The following FOXK2 variants were observed in gnomAD, a reference collection of about 807,000 sequenced individuals.
FOXK2 encodes forkhead box protein K2.
A neutral mutation model predicts 53.3 loss-of-function variants in FOXK2; 24 were observed. That is an observed-to-expected ratio of 0.45 (90% CI 0.33 to 0.63). FOXK2 has a LOEUF of 0.63. FOXK2 is among the 30% of genes least tolerant of loss of function. The pLI is 0.03. For missense variants in FOXK2, 952 were observed against 910.5 expected, an observed-to-expected ratio of 1.05 and a Z score of -0.59; for synonymous variants, 505 against 407.1, an observed-to-expected ratio of 1.24 and a Z score of -2.89.
chr17:82,587,391 C>T (rs748715062), intron 8 of FOXK2, 119 bp downstream of exon 8: 3 of 780,206 alleles, frequency 3.8e-6, no homozygotes, highest in Admixed American at 2.1e-5. Flanking sequence ...GCAATGTTTG[C>T]ATTTCGAAGC....
chr17:82,583,029 C>A, intron 5 of FOXK2, 95 bp downstream of exon 5: 1 of 865,328 alleles, frequency 1.2e-6, no homozygotes, highest in Non-Finnish European at 1.7e-6. Context: ...GAAGGAACTA[C>A]TAAATGCATT....
At chr17:82,530,969 A>C (rs756495018) in intron 1 of FOXK2, among the ~76,000 whole-genome samples, 14 of 152,196 alleles carry the variant, frequency 9.2e-5, no homozygotes, top group Non-Finnish European at 1.8e-4. Context: ...TTTGATAGCC[A>C]TTTGAGCTGG....
Position 82,582,879 on chromosome 17 carries a change from C to CG in FOXK2, c.1049dup (p.Arg351ThrfsTer3). 1 of 1,613,142 alleles carries CG rather than the reference C, an allele frequency of 6.2e-7. No homozygotes were observed. Among genetic ancestry groups the CG allele is most frequent in the Non-Finnish European group, 8.5e-7 (1 of 1,179,864 alleles). ...ATTAATAGAACAGGCTTTTAGGAAACGACGGCCTAGGGGCGTGCCCTGCTT... is the reference window on the plus strand; with the variant it reads ...ATTAATAGAACAGGCTTTTAGGAAACGGACGGCCTAGGGGCGTGCCCTGCTT... On this transcript the variant is annotated frameshift_variant, in exon 5 of 9. Transcript: ENST00000335255. LOFTEE classifies it high-confidence loss of function.
At chr17:82,571,644 T>C in intron 3 of FOXK2, 80 bp from the exon 4 acceptor site, 1 of 1,363,696 alleles carries the variant, frequency 7.3e-7, no homozygotes, top group Non-Finnish European at 9.6e-7. Flanking sequence ...TTAAAAGCAC[T>C]GAGAATCTTT....
intron 1 of FOXK2, among the ~76,000 whole-genome samples, chr17:82,526,938 G>A (rs751052320): frequency 1.3e-5 from 2 of 152,162 alleles, no homozygotes; most frequent in Non-Finnish European, 2.9e-5. Flanking sequence ...AAAAGAAAAC[G>A]AGATTGTGTT....
chr17:82,532,522 AT>A (rs143535500), intron 1 of FOXK2, among the ~76,000 whole-genome samples: 23,210 of 151,840 alleles, frequency 0.15, 2,198 homozygotes, highest in East Asian at 0.32. Context: ...ACATACTATA[AT>A]TTTTTTTTAC....
At chr17:82,550,641 T>A (rs1341508900) in intron 1 of FOXK2, among the ~76,000 whole-genome samples, 2 of 151,844 alleles carry the variant, frequency 1.3e-5, no homozygotes, top group African/African-American at 2.4e-5. Context: ...TAGCTGGGAC[T>A]ACAGGCGCCC....
chr17:82,586,402 G>A (rs113407392), intron 7 of FOXK2, among the ~76,000 whole-genome samples: 756 of 11,030 alleles, frequency 0.069, 1 homozygote, highest in Middle Eastern at 0.11. Context: ...AAAGGTGGGC[G>A]GGGGGGAAAG....
chr17:82,583,647 C>T (rs1175124471), intron 5 of FOXK2, among the ~76,000 whole-genome samples: 3 of 89,792 alleles, frequency 3.3e-5, no homozygotes, highest in African/African-American at 4.7e-5. Flanking sequence ...TTCACTAATA[C>T]TGTTTTTAAC....
At chr17:82,539,769 A>G (rs1398659393) in intron 1 of FOXK2, among the ~76,000 whole-genome samples, 1 of 151,930 alleles carries the variant, frequency 6.6e-6, no homozygotes, top group South Asian at 2.1e-4. Flanking sequence ...GTTCGAGACC[A>G]GGCTGGCCAA....
chr17:82,596,594 A>G (rs895509685), intron 8 of FOXK2, among the ~76,000 whole-genome samples: 4 of 19,376 alleles, frequency 2.1e-4, no homozygotes, highest in Middle Eastern at 0.071. Flanking sequence ...CTGCAGCCTC[A>G]TCAAGTCTCC....
chr17:82,568,323 G>C (rs2044875250), intron 3 of FOXK2, 122 bp downstream of exon 3: 1 of 1,195,988 alleles, frequency 8.4e-7, no homozygotes, highest in South Asian at 1.3e-5. Flanking sequence ...GCATCGGTGG[G>C]GATGTGGGCT....
chr17:82,533,869 C>T (rs1048579395), intron 1 of FOXK2, among the ~76,000 whole-genome samples: 21 of 151,696 alleles, frequency 1.4e-4, no homozygotes, highest in East Asian at 3.9e-4. Flanking sequence ...TGTGGTGGTG[C>T]GCAGCTGTAA....
chr17:82,561,289 C>G (rs1271521972), intron 1 of FOXK2, among the ~76,000 whole-genome samples: 1 of 151,910 alleles, frequency 6.6e-6, no homozygotes, highest in Non-Finnish European at 1.5e-5. Context: ...TTTGAGACCC[C>G]CAGTGTTGAT....
chr17:82,573,562 T>TCACACACACACA (rs1019671658), intron 4 of FOXK2, among the ~76,000 whole-genome samples: 5 of 83,316 alleles, frequency 6.0e-5, no homozygotes, highest in Non-Finnish European at 1.0e-4. Context: ...TCTCTCTCTC[T>TCACACACACACA]CACACACACA....
chr17:82,556,442 T>TA (rs5822538), intron 1 of FOXK2, among the ~76,000 whole-genome samples: 24,513 of 142,702 alleles, frequency 0.17, 2,482 homozygotes, highest in East Asian at 0.39. Context: ...AGACTCCGTC[T>TA]AAAAAAAAAA....
intron 1 of FOXK2, among the ~76,000 whole-genome samples, chr17:82,552,033 G>A (rs1054988179): frequency 2.0e-5 from 3 of 152,068 alleles, no homozygotes; most frequent in Non-Finnish European, 4.4e-5. Flanking sequence ...AGTCCTCAGG[G>A]TGTGAGGCAC....
chr17:82,533,600 C>A (rs1318718599), intron 1 of FOXK2, among the ~76,000 whole-genome samples: 1 of 151,986 alleles, frequency 6.6e-6, no homozygotes, highest in Admixed American at 6.6e-5. Context: ...TACGGCTGTT[C>A]GCGTAGTAGG....
At position 82,546,658 on chromosome 17, in the gene FOXK2, G is replaced by C. The variant is rs192489267; in HGVS notation, c.420-16696G>C. ...TTTCCTTTTTTTTAAACGGTGACGGGGGTCTCACCATGTTGCCCAGGCTGG... is the reference window on the plus strand; with the variant it reads ...TTTCCTTTTTTTTAAACGGTGACGGCGGTCTCACCATGTTGCCCAGGCTGG... On this transcript the variant is annotated intron_variant, in intron 1 of 8. Transcript: ENST00000335255. 3.7e-3 allele frequency among the ~76,000 whole-genome samples: 555 copies of C among 151,938 alleles called. 2 individuals carry two copies. The highest frequency in any genetic ancestry group is 5.5e-3 in the Non-Finnish European group (375 of 67,958).
Sources: allele counts gnomAD v4.1 joint callset (sites outside exome capture counted in the v4.1 genomes callset), GRCh38; gene constraint gnomAD v4.1.1; transcripts MANE v1.5; gene names NCBI Gene and HGNC (gene_info 2026-07-23, HGNC 2026-07-21).